The following MED13L variants were observed in gnomAD, a reference collection of about 807,000 sequenced individuals.
MED13L encodes the protein mediator complex subunit 13L.
MED13L carries 7 observed loss-of-function variants against 220.9 expected under a neutral mutation model. The ratio of observed to expected loss-of-function variants is 0.03; its 90% CI spans 0.02 to 0.06. MED13L has a LOEUF of 0.06. Among genes scored for constraint, MED13L ranks in the 10% least tolerant of loss-of-function variants. The pLI is 1.00. For synonymous variants in MED13L, 1,011 were observed against 1,015.2 expected (o/e 1.00, Z 0.08); for missense variants, 1,965 against 2,760.5 (o/e 0.71, Z 6.46).
intron 3 of MED13L, among the ~76,000 whole-genome samples, chr12:116,109,915 C>A (rs1873930419): frequency 6.6e-6 from 1 of 152,142 alleles, no homozygotes; most frequent in Non-Finnish European, 1.5e-5. Flanking sequence ...TCAGAAAAGT[C>A]TTTCTGAGTA....
intron 4 of MED13L, among the ~76,000 whole-genome samples, chr12:116,055,149 C>T (rs1013472112): frequency 1.3e-5 from 2 of 151,814 alleles, no homozygotes; most frequent in African/African-American, 4.8e-5. Context: ...AATAGTGATC[C>T]CTTTGAGGGG....
intron 2 of MED13L, among the ~76,000 whole-genome samples, chr12:116,226,990 C>A (rs1214774472): frequency 2.7e-5 from 4 of 150,696 alleles, no homozygotes; most frequent in Admixed American, 6.6e-5. Flanking sequence ...CCCAATGATA[C>A]TTATAGCTGA....
chr12:115,962,217 C>G (rs576589474), intron 30 of MED13L, among the ~76,000 whole-genome samples: 2 of 152,218 alleles, frequency 1.3e-5, no homozygotes, highest in East Asian at 3.9e-4. Flanking sequence ...TTTTTTGGCA[C>G]CAGGGACCAG....
intron 2 of MED13L, among the ~76,000 whole-genome samples, chr12:116,145,162 A>G (rs1168905991): frequency 1.3e-5 from 2 of 152,204 alleles, no homozygotes; most frequent in Non-Finnish European, 2.9e-5. Context: ...CCTACCATCT[A>G]TTGTTTGATA....
At chr12:115,992,035 A>G in intron 16 of MED13L, 78 bp from the exon 17 acceptor site, 1 of 1,219,048 alleles carries the variant, frequency 8.2e-7, no homozygotes, top group Non-Finnish European at 1.2e-6. Context: ...CACCCCAGCC[A>G]TGTACTGTGT....
chr12:116,146,641 G>T (rs1202659603), intron 2 of MED13L, among the ~76,000 whole-genome samples: 1 of 151,890 alleles, frequency 6.6e-6, no homozygotes, highest in African/African-American at 2.4e-5. Flanking sequence ...AAGGCAGGGG[G>T]GACTGCTTGA....
intron 2 of MED13L, among the ~76,000 whole-genome samples, chr12:116,117,838 C>T (rs886217305): frequency 1.2e-4 from 18 of 152,042 alleles, no homozygotes; most frequent in Non-Finnish European, 2.1e-4. Flanking sequence ...GACAGGGTCT[C>T]GCTCTTTCAC....
chr12:116,190,274 A>G (rs1881185156), intron 2 of MED13L, among the ~76,000 whole-genome samples: 1 of 152,224 alleles, frequency 6.6e-6, no homozygotes, highest in Non-Finnish European at 1.5e-5. Context: ...TTTTAAAATC[A>G]TGAATGGATG....
intron 2 of MED13L, among the ~76,000 whole-genome samples, chr12:116,165,949 C>A (rs1202479263): frequency 6.6e-6 from 1 of 152,206 alleles, no homozygotes; most frequent in East Asian, 1.9e-4. Flanking sequence ...TGGAATACAA[C>A]ATGCCTCCTG....
chr12:116,242,786 T>C (rs1218754313), intron 1 of MED13L, among the ~76,000 whole-genome samples: 1 of 152,182 alleles, frequency 6.6e-6, no homozygotes, highest in African/African-American at 2.4e-5. Context: ...GCCACACAGG[T>C]AGCAAATGGC....
intron 2 of MED13L, among the ~76,000 whole-genome samples, chr12:116,152,587 T>C (rs535581770): frequency 1.2e-3 from 190 of 152,180 alleles, no homozygotes; most frequent in African/African-American, 4.0e-3. Flanking sequence ...AGGTAAAGAT[T>C]TGGAATCACA....
chr12:116,143,502 T>C (rs921630788), intron 2 of MED13L, among the ~76,000 whole-genome samples: 1 of 152,186 alleles, frequency 6.6e-6, no homozygotes, highest in Non-Finnish European at 1.5e-5. Context: ...ATCCAGAAAG[T>C]TGTTGTGCTA....
At chr12:116,012,201 T>C (rs7962636) in intron 9 of MED13L, among the ~76,000 whole-genome samples, 81,775 of 152,012 alleles carry the variant, frequency 0.54, 23,930 homozygotes, top group Non-Finnish European at 0.66. Context: ...AAACCTATGA[T>C]GGTAAGATTC....
At chr12:116,031,767 G>C (rs925697809) in intron 4 of MED13L, among the ~76,000 whole-genome samples, 1 of 129,226 alleles carries the variant, frequency 7.7e-6, no homozygotes, top group African/African-American at 2.9e-5. Flanking sequence ...AAAGAAGGAA[G>C]GAAGGAAGGA....
rs1048266467 is a variant in MED13L, at chr12:115,987,421, T to A, written c.3935-133A>T. ...TGTAGTAGATTCTAAAATATTTGAC[T>A]TAGGAGTCAGGAGGAAAGATATTCT... On this transcript the variant is annotated intron_variant, in intron 17 of 30. Coordinates refer to ENST00000281928, the MANE Select transcript of MED13L (RefSeq NM_015335.5). The A allele has an allele frequency of 7.5e-6, 6 of 798,728 alleles. No individual in the cohort carries two copies. The Admixed American group carries it at 9.4e-5, about 12-fold the overall frequency. The allele number at this position is 798,728 out of a possible 1,614,324, so 49.5% of individuals were successfully genotyped here.
At chr12:116,227,787 A>C in intron 2 of MED13L, among the ~76,000 whole-genome samples, 1 of 152,196 alleles carries the variant, frequency 6.6e-6, no homozygotes, top group African/African-American at 2.4e-5. Flanking sequence ...TCAAGTGAAA[A>C]GGAAGAACTG....
At chr12:116,239,463 T>C (rs1870414416) in intron 1 of MED13L, among the ~76,000 whole-genome samples, 1 of 152,222 alleles carries the variant, frequency 6.6e-6, no homozygotes, top group Admixed American at 6.5e-5. Context: ...GTTGGAACCA[T>C]ATTGCATGAT....
intron 2 of MED13L, among the ~76,000 whole-genome samples, chr12:116,235,385 T>G (rs887252706): frequency 6.6e-6 from 1 of 152,120 alleles, no homozygotes; most frequent in African/African-American, 2.4e-5. Flanking sequence ...AAGTAATCAT[T>G]CCCAAGAGAA....
In MED13L at chr12:115,986,359, G is replaced by C. The variant is rs370760534; in HGVS notation, c.4245C>G (p.His1415Gln). The change falls in exon 19 of 31, where the codon CAC (histidine) becomes CAG (glutamine). Residue 1415 changes from histidine (H) to glutamine (Q), a missense_variant. Transcript: ENST00000281928. ...ACACCACAATATAGGCAACATCACG[G>C]TGGCCCCCATATGGGTCCAACAAGA... is the stretch of plus-strand genomic sequence containing the variant. ...ERLLLDPYGGHRDVAYIVVCP... is the reference protein window; with the variant it reads ...ERLLLDPYGGQRDVAYIVVCP... The C allele has an allele frequency of 1.9e-6, 3 of 1,613,992 alleles. No homozygotes were observed. In the African/African-American group the frequency reaches 4.0e-5, roughly 22 times the overall value.
Sources: allele counts gnomAD v4.1 joint callset (sites outside exome capture counted in the v4.1 genomes callset), GRCh38; gene constraint gnomAD v4.1.1; transcripts MANE v1.5; gene names NCBI Gene and HGNC (gene_info 2026-07-23, HGNC 2026-07-21).